Variants in CBX7 observed in about 807,000 individuals in gnomAD.
CBX7 encodes chromobox protein homolog 7.
A neutral mutation model predicts 31.4 loss-of-function variants in CBX7; 14 were observed. The ratio of observed to expected loss-of-function variants is 0.45; its 90% CI spans 0.29 to 0.70. CBX7 has a LOEUF of 0.70. CBX7 is among the 30% of genes least tolerant of loss of function. CBX7 has a pLI of 0.11. For missense variants in CBX7, 269 were observed against 351.9 expected, an observed-to-expected ratio of 0.76 and a Z score of 1.89; for synonymous variants, 159 against 152.6, an observed-to-expected ratio of 1.04 and a Z score of -0.31.
Position 39,152,518 on chromosome 22 carries a change from G to C in CBX7, c.-74C>G. 2.8e-5 allele frequency: 18 copies of C among 651,054 alleles called. No individual in the cohort carries two copies. Among genetic ancestry groups the C allele is most frequent in the Non-Finnish European group, 3.4e-5 (18 of 525,358 alleles). 40.3% of individuals were successfully genotyped at this position (651,054 alleles called of 1,614,324 possible). ...AGCTGCGGGGCCGCGGCTGCGGCGC[G>C]CGATGCTGGGGCTGGCGGGGTCCCC... On this transcript the variant is annotated 5_prime_UTR_variant, in exon 1 of 6. Transcript: ENST00000216133. This position sits in a 1 kb window ranked among gnomAD's most constrained non-coding sequence, Gnocchi z 4.9.
chr22:39,149,971 G>A (rs987403690), intron 1 of CBX7, 139 bp from the exon 2 acceptor site: 23 of 718,798 alleles, frequency 3.2e-5, no homozygotes, highest in Non-Finnish European at 4.9e-5. Flanking sequence ...AACACAATCC[G>A]GGGACTGTCC....
chr22:39,133,659 G>T lies in CBX7; in HGVS notation c.*232C>A. 2.3e-6 allele frequency: 1 copy of T among 433,880 alleles called. No individual in the cohort carries two copies. The highest frequency in any genetic ancestry group is 4.1e-6 in the Non-Finnish European group (1 of 242,638). The allele number at this position is 433,880 out of a possible 1,614,324, so 26.9% of individuals were successfully genotyped here. On this transcript the variant is annotated 3_prime_UTR_variant, in exon 6 of 6. Coordinates refer to ENST00000216133, the MANE Select transcript of CBX7 (RefSeq NM_175709.5). ...GTGATCCTGTCCCCATCCTGCCCTG[G>T]GGGTGGTACCCCAACTCCCAGAGCA...
intron 3 of CBX7, 107 bp from the exon 4 acceptor site, chr22:39,138,809 C>T (rs1930346682): frequency 9.9e-7 from 1 of 1,010,802 alleles, no homozygotes; most frequent in Admixed American, 1.8e-5. Flanking sequence ...GGAGGGGACA[C>T]TCCCCACAGG....
chr22:39,139,702 CAAAAAAA>C (rs67244690), intron 3 of CBX7, among the ~76,000 whole-genome samples: 6 of 32,074 alleles, frequency 1.9e-4, no homozygotes, highest in South Asian at 1.0e-3. Context: ...GACTCCATCT[CAAAAAAA>C]AAAAAAAAAA....
In CBX7 at chr22:39,134,624, C is replaced by T; in HGVS notation, c.375G>A (p.Leu125=). ...TGGGCACCAAGGGGCCCTTGTCCAC[C>T]AGCTCAGGTGCCCCCGCCTTGACCA... The part of the protein sequence containing the change: ...EGVVKAGAPE[L]VDKGPLVPTL... Residue 125 remains leucine (L), a synonymous_variant, in exon 5 of 6, where the codon CTG becomes CTA. Coordinates refer to ENST00000216133, the MANE Select transcript of CBX7 (RefSeq NM_175709.5). 1.3e-6 allele frequency: 2 copies of T among 1,585,246 alleles called. No individual in the cohort carries two copies. The highest frequency in any genetic ancestry group is 2.3e-5 in the South Asian group (2 of 87,656).
rs1401723480 is a variant in CBX7 at position 39,134,053 on chromosome 22, A to G, written c.599-5T>C. 1.9e-6 allele frequency: 3 copies of G among 1,589,846 alleles called. No individual in the cohort carries two copies. In the South Asian group the frequency reaches 3.3e-5, roughly 18 times the overall value. On this transcript the variant is annotated splice_region_variant and splice_polypyrimidine_tract_variant and intron_variant, in intron 5 of 5. Transcript: ENST00000216133. ...CCTCGGCCAGGTCGGCATCTGCTGC[A>G]GCGTCAGACACACAGATGGGGGCAG...
chr22:39,141,102 T>C (rs1398434897), intron 3 of CBX7: 3 of 447,030 alleles, frequency 6.7e-6, no homozygotes, highest in African/African-American at 2.1e-5. Context: ...GGTGTACTCT[T>C]CAGGGTGGCC....
intron 2 of CBX7, chr22:39,148,697 C>G (rs1930745855): frequency 6.6e-6 from 1 of 152,490 alleles, no homozygotes; most frequent in South Asian, 2.1e-4. Flanking sequence ...CCCCTGTCAT[C>G]AGGATATCCA....
intron 2 of CBX7, among the ~76,000 whole-genome samples, chr22:39,143,458 A>G (rs372682019): frequency 6.6e-6 from 1 of 152,220 alleles, no homozygotes; most frequent in East Asian, 1.9e-4. Flanking sequence ...ATAAAGTAAG[A>G]AAGTTACTAT....
At chr22:39,134,820 T>C (rs1930194405) in intron 4 of CBX7, 68 bp from the exon 5 acceptor site, 1 of 978,362 alleles carries the variant, frequency 1.0e-6, no homozygotes, top group South Asian at 1.7e-5. Flanking sequence ...TTGCTCATGC[T>C]GTTCCTCCCA....
chr22:39,149,122 AGATAC>A (rs1930763683), intron 2 of CBX7: 3 of 152,350 alleles, frequency 2.0e-5, no homozygotes, highest in Non-Finnish European at 4.4e-5. Context: ...GGGAGGTCTC[AGATAC>A]AGCTCCCTGC....
At chr22:39,144,548 C>T (rs1438521650) in intron 2 of CBX7, among the ~76,000 whole-genome samples, 1 of 152,236 alleles carries the variant, frequency 6.6e-6, no homozygotes, top group African/African-American at 2.4e-5. Flanking sequence ...GCTGGGGAGC[C>T]CCTGCAGAAT....
chr22:39,152,244 C>T lies in CBX7; in HGVS notation c.69+132G>A, dbSNP rs1930885235. 5 of 343,010 alleles carry T rather than the reference C, an allele frequency of 1.5e-5. No individual in the cohort carries two copies. The highest frequency in any genetic ancestry group is 5.5e-5 in the Admixed American group (1 of 18,332). The allele number at this position is 343,010 out of a possible 1,614,324, so 21.2% of individuals were successfully genotyped here. A position where few individuals can be genotyped will look rare whatever the true frequency, so the allele number is the denominator to read the frequency against. On this transcript the variant is annotated intron_variant, in intron 1 of 5. Transcript: ENST00000216133. The surrounding 1 kb of genome is among the most constrained non-coding windows in gnomAD (Gnocchi z 4.9). ...GAAACTGAGGCACGGGCTGGGGAGA[C>T]GGGCCCAGCAGCGCAGGGCTGCCGG...
chr22:39,141,278 T>TGCCCC, intron 3 of CBX7, 93 bp downstream of exon 3: 1 of 1,122,542 alleles, frequency 8.9e-7, no homozygotes, highest in Non-Finnish European at 1.3e-6. Context: ...ACCCCTGCCC[T>TGCCCC]GCCCCAACAA....
rs760001927 is a variant in CBX7, at chr22:39,152,388, C to T, written c.57G>A (p.Lys19=). Residue 19 remains lysine (K), a synonymous_variant, in exon 1 of 6, where the codon AAG becomes AAA. Coordinates refer to ENST00000216133, the MANE Select transcript of CBX7 (RefSeq NM_175709.5). The surrounding 1 kb of genome is among the most constrained non-coding windows in gnomAD (Gnocchi z 4.9). ...CGGGCAGCCTCACCTTCCGCACGCG[C>T]TTCTTCCGGATGCTCTCCACGGCGA... ...QVFAVESIRK[K]RVRKGKVEYL... 2 of 1,398,594 alleles carry T rather than the reference C, an allele frequency of 1.4e-6. No homozygotes were observed. The highest frequency in any genetic ancestry group is 1.9e-6 in the Non-Finnish European group (2 of 1,069,240). 86.6% of individuals were successfully genotyped at this position (1,398,594 alleles called of 1,614,324 possible).
chr22:39,141,321 G>T, intron 3 of CBX7, 50 bp downstream of exon 3: 1 of 1,527,570 alleles, frequency 6.5e-7, no homozygotes, highest in Non-Finnish European at 9.0e-7. Context: ...CTCCTGGGAA[G>T]CCTCTGAGCC....
intron 4 of CBX7, among the ~76,000 whole-genome samples, chr22:39,137,998 G>A (rs1206504951): frequency 1.3e-5 from 2 of 152,068 alleles, no homozygotes; most frequent in Non-Finnish European, 2.9e-5. Context: ...TGGCCAACAC[G>A]GTGAAACCCC....
chr22:39,134,060 G>A lies in CBX7; in HGVS notation c.599-12C>T, dbSNP rs1569105434. On this transcript the variant is annotated splice_polypyrimidine_tract_variant and intron_variant, in intron 5 of 5. Coordinates refer to ENST00000216133, the MANE Select transcript of CBX7 (RefSeq NM_175709.5). ...CAGGTCGGCATCTGCTGCAGCGTCAGACACACAGATGGGGGCAGCGTTGAC... is the reference window on the plus strand; with the variant it reads ...CAGGTCGGCATCTGCTGCAGCGTCAAACACACAGATGGGGGCAGCGTTGAC... 6.3e-7 allele frequency: 1 copy of A among 1,585,754 alleles called. No homozygotes were observed.
chr22:39,134,310 A>G, intron 5 of CBX7, 91 bp downstream of exon 5: 1 of 1,144,956 alleles, frequency 8.7e-7, no homozygotes, highest in Non-Finnish European at 1.2e-6. Flanking sequence ...ACAAAGCACT[A>G]CAGGCCCTCT....
Sources: allele counts gnomAD v4.1 joint callset (sites outside exome capture counted in the v4.1 genomes callset), GRCh38; gene constraint gnomAD v4.1.1; non-coding constraint Gnocchi (gnomAD v3.1); transcripts MANE v1.5; gene names NCBI Gene and HGNC (gene_info 2026-07-23, HGNC 2026-07-21).